DNAH14: variants seen among roughly 807,000 people sequenced by gnomAD.
The protein encoded by DNAH14 is axonemal beta dynein heavy chain 14.
DNAH14 carries 478 observed loss-of-function variants against 520.9 expected under a neutral mutation model. The observed-to-expected ratio is 0.92, with a 90% confidence interval of 0.85 to 0.99. The LOEUF (loss-of-function observed/expected upper bound fraction) is 0.99, where lower values mean the gene tolerates loss of function less well. DNAH14 is among the 50% of genes least tolerant of loss of function. DNAH14 has a pLI of 0.00. For missense variants in DNAH14, 4,831 were observed against 5,234.5 expected (o/e 0.92, Z 2.38); for synonymous variants, 1,581 against 1,757.2 (o/e 0.90, Z 2.51).
At chr1:225,111,566 C>CT (rs1295605094) in intron 23 of DNAH14, among the ~76,000 whole-genome samples, 2 of 150,438 alleles carry the variant, frequency 1.3e-5, no homozygotes, top group Non-Finnish European at 1.5e-5. Flanking sequence ...ATTGTTGAGT[C>CT]TTTTTTTTTA....
chr1:225,140,717 T>TA, intron 27 of DNAH14, 51 bp from the exon 28 acceptor site: 1 of 1,249,916 alleles, frequency 8.0e-7, no homozygotes, highest in Non-Finnish European at 1.1e-6. Context: ...TATGCTTCAA[T>TA]TATATATATA....
intron 68 of DNAH14, among the ~76,000 whole-genome samples, chr1:225,338,803 C>G (rs1195668386): frequency 6.6e-6 from 1 of 152,090 alleles, no homozygotes; most frequent in Non-Finnish European, 1.5e-5. Flanking sequence ...ATAATAAGAG[C>G]CTTCTGGGTA....
chr1:225,385,828 C>T (rs1404252265), intron 81 of DNAH14, among the ~76,000 whole-genome samples: 1 of 152,106 alleles, frequency 6.6e-6, no homozygotes, highest in African/African-American at 2.4e-5. Flanking sequence ...AGATTCAATA[C>T]CATCCCCATC....
chr1:225,248,479 T>C (rs2092403957), intron 43 of DNAH14, among the ~76,000 whole-genome samples: 1 of 152,204 alleles, frequency 6.6e-6, no homozygotes, highest in South Asian at 2.1e-4. Context: ...ATCAGATAAC[T>C]TTAGATTTGT....
At chr1:224,947,355 T>A (rs1016728516) in intron 1 of DNAH14, among the ~76,000 whole-genome samples, 3 of 152,198 alleles carry the variant, frequency 2.0e-5, no homozygotes, top group Admixed American at 1.3e-4. Context: ...TATTTTTTTC[T>A]CAGAAATGTC....
chr1:225,010,219 T>C (rs1173541245), intron 10 of DNAH14, among the ~76,000 whole-genome samples: 4 of 152,226 alleles, frequency 2.6e-5, no homozygotes, highest in Non-Finnish European at 5.9e-5. Context: ...CAGTATAATA[T>C]TGACTGTGGG....
rs1017021103 is a variant in DNAH14 at position 225,346,640 on chromosome 1, A to C, written c.11282A>C (p.Gln3761Pro). The C allele has an allele frequency of 6.5e-6, 10 of 1,543,380 alleles. No individual in the cohort carries two copies. The African/African-American group carries it at 1.4e-4, about 21-fold the overall frequency. The change falls in exon 71 of 86, where the codon CAG becomes CCG. Residue 3761 changes from glutamine to proline, a missense_variant. Coordinates refer to ENST00000682510, the MANE Select transcript of DNAH14 (RefSeq NM_001367479.1). ...ATAAATATTAAAAGTGCATTATCCC[A>C]GTCTAGACTTACTAGTAAGTAAAAG... ...ILINIKSALSQSRLTSTFEIG... is the reference protein window; with the variant it reads ...ILINIKSALSPSRLTSTFEIG...
At chr1:225,035,722 T>A (rs949315624) in intron 11 of DNAH14, among the ~76,000 whole-genome samples, 2 of 152,194 alleles carry the variant, frequency 1.3e-5, no homozygotes, top group Non-Finnish European at 2.9e-5. Context: ...TTTGATGTTA[T>A]TGAATGTTTT....
chr1:225,132,755 A>C (rs1490207412), intron 27 of DNAH14, among the ~76,000 whole-genome samples: 1 of 152,200 alleles, frequency 6.6e-6, no homozygotes, highest in Non-Finnish European at 1.5e-5. Context: ...TTGCTGGATC[A>C]AATGGTATTT....
intron 17 of DNAH14, among the ~76,000 whole-genome samples, chr1:225,072,572 G>A (rs2071670597): frequency 6.6e-6 from 1 of 152,168 alleles, no homozygotes; most frequent in Admixed American, 6.5e-5. Context: ...AGTCTTGCTG[G>A]AGAGGTATTG....
At chr1:225,335,870 CACATATACATATATGTACAT>C (rs2095010357) in intron 66 of DNAH14, among the ~76,000 whole-genome samples, 1 of 48,930 alleles carries the variant, frequency 2.0e-5, no homozygotes, top group Non-Finnish European at 3.8e-5. Flanking sequence ...TATGTACATA[CACATATACATATATGTACAT>C]ATACATACAT....
intron 55 of DNAH14, among the ~76,000 whole-genome samples, chr1:225,295,323 T>G (rs1386506830): frequency 1.3e-5 from 2 of 152,188 alleles, no homozygotes. Flanking sequence ...CTTTTTGTAG[T>G]TCCCTGAGAT....
At chr1:225,001,860 T>C (rs940480056) in intron 8 of DNAH14, among the ~76,000 whole-genome samples, 1 of 152,148 alleles carries the variant, frequency 6.6e-6, no homozygotes, top group African/African-American at 2.4e-5. Context: ...TGTCATCAAA[T>C]TCTTCTATGA....
At chr1:225,392,581 C>T (rs2095933723) in intron 84 of DNAH14, 130 bp downstream of exon 84, 2 of 1,130,678 alleles carry the variant, frequency 1.8e-6, no homozygotes, top group Non-Finnish European at 2.5e-6. Context: ...GGCAGATCAA[C>T]AAGCCCTGCT....
In DNAH14 at chr1:224,952,758, AGG is replaced by A. The variant is rs2125499267; in HGVS notation, c.57_58del (p.Glu20AsnfsTer11). The A allele has an allele frequency of 6.2e-7, 1 of 1,600,498 alleles. No individual in the cohort carries two copies. Among genetic ancestry groups the A allele is most frequent in the Non-Finnish European group, 8.5e-7 (1 of 1,173,432 alleles). ...ACTGAAAATCAAGAGATGGACAAGG[AGG>A]AAACCAAGACAAAACCAAGGTAAAA... On this transcript the variant is annotated frameshift_variant, in exon 2 of 86. Coordinates refer to ENST00000682510, the MANE Select transcript of DNAH14 (RefSeq NM_001367479.1). LOFTEE classifies it high-confidence loss of function.
rs753590063 is a variant in DNAH14 at position 225,380,325 on chromosome 1, G to A, written c.12880+3G>A. 4.5e-6 allele frequency: 7 copies of A among 1,550,326 alleles called. No homozygotes were observed. In the South Asian group the frequency reaches 7.2e-5, roughly 16 times the overall value. On this transcript the variant is annotated splice_donor_region_variant and intron_variant, in intron 80 of 85. Transcript: ENST00000682510. ...GTCTCTTTCTAAAAATCTCAAAGGT[G>A]AGCATGGGACAGGAGCTTTTTCCCC... is the stretch of plus-strand genomic sequence containing the variant.
intron 49 of DNAH14, among the ~76,000 whole-genome samples, chr1:225,268,821 A>G (rs2093213549): frequency 6.6e-6 from 1 of 152,230 alleles, no homozygotes; most frequent in Non-Finnish European, 1.5e-5. Flanking sequence ...GCTCAACGAA[A>G]TAAAAGAGGA....
At position 225,002,714 on chromosome 1, in the gene DNAH14, A is replaced by G. The variant is rs980562947; in HGVS notation, c.831-69A>G. Reference sequence around the variant, plus strand: ...ATAAGGATATTAACTAAACCACACTACTTACCTCTAAATTAATTTTATTCA... The same window carrying G: ...ATAAGGATATTAACTAAACCACACTGCTTACCTCTAAATTAATTTTATTCA... On this transcript the variant is annotated intron_variant, in intron 8 of 85. Transcript: ENST00000682510. 5.0e-6 allele frequency: 7 copies of G among 1,405,734 alleles called. No homozygotes were observed. The South Asian group carries it at 8.9e-5, about 18-fold the overall frequency. The allele number at this position is 1,405,734 out of a possible 1,614,324, so 87.1% of individuals were successfully genotyped here. A position where few individuals can be genotyped will look rare whatever the true frequency, so the allele number is the denominator to read the frequency against.
chr1:225,027,694 A>C (rs2066228291), intron 11 of DNAH14, among the ~76,000 whole-genome samples: 1 of 152,124 alleles, frequency 6.6e-6, no homozygotes, highest in Non-Finnish European at 1.5e-5. Context: ...TCATGAAAAC[A>C]GCACAGAGGA....
Sources: allele counts gnomAD v4.1 joint callset (sites outside exome capture counted in the v4.1 genomes callset), GRCh38; gene constraint gnomAD v4.1.1; transcripts MANE v1.5; gene names NCBI Gene and HGNC (gene_info 2026-07-23, HGNC 2026-07-21).